Variants in ZNF334 observed in about 807,000 individuals in gnomAD.
The protein encoded by ZNF334 is zinc finger protein 334.
ZNF334 carries 14 observed loss-of-function variants against 12.4 expected under a neutral mutation model. That is an observed-to-expected ratio of 1.13 (90% CI 0.74 to 1.76). The LOEUF is 1.76. ZNF334 is among the 40% of genes most tolerant of loss of function. The pLI, the probability that ZNF334 is intolerant of heterozygous loss-of-function variation, is 0.00. For synonymous variants in ZNF334, 273 were observed against 269.6 expected (o/e 1.01, Z -0.12); for missense variants, 797 against 804.5 (o/e 0.99, Z 0.11).
chr20:46,464,635 A>C, the ZNF334 span: 1 of 425,178 alleles, frequency 2.4e-6, no homozygotes, highest in Admixed American at 2.9e-5. Context: ...CTCTGTGGAG[A>C]TACACACAGT....
chr20:46,502,875 C>T lies in ZNF334; in HGVS notation c.464G>A (p.Ser155Asn), dbSNP rs925086209. ...TNSEVIVAKKSKENRKIPDGY... is the reference protein window; with the variant it reads ...TNSEVIVAKKNKENRKIPDGY... Reference sequence around the variant, plus strand: ...ATCAGGAATCTTTCTGTTTTCTTTGCTTTTCTTTGCAACAATTACTTCTGA... The same window carrying T: ...ATCAGGAATCTTTCTGTTTTCTTTGTTTTTCTTTGCAACAATTACTTCTGA... Residue 155 changes from serine (S) to asparagine (N), a missense_variant, in exon 5 of 5, where the codon AGC becomes AAC. Physicochemically the swap from Ser to Asn is conservative, Grantham distance 46. Transcript: ENST00000692313. The T allele has an allele frequency of 3.1e-6, 5 of 1,613,438 alleles. No homozygotes were observed. The highest frequency in any genetic ancestry group is 1.7e-5 in the Admixed American group (1 of 59,874).
At chr20:46,469,083 CTTTT>C in the ZNF334 span, among the ~76,000 whole-genome samples, 4 of 152,186 alleles carry the variant, frequency 2.6e-5, no homozygotes, top group South Asian at 2.1e-4. Flanking sequence ...TAATATTTTA[CTTTT>C]TTTATCAACA....
intron 2 of ZNF334, among the ~76,000 whole-genome samples, chr20:46,510,507 C>T (rs1488076711): frequency 6.6e-6 from 1 of 152,062 alleles, no homozygotes; most frequent in Non-Finnish European, 1.5e-5. Flanking sequence ...AGGAGGATCA[C>T]GAGGTCAGGA....
the ZNF334 span, among the ~76,000 whole-genome samples, chr20:46,480,241 AC>A: frequency 6.6e-6 from 1 of 152,072 alleles, no homozygotes; most frequent in South Asian, 2.1e-4. Flanking sequence ...TCACATACTC[AC>A]AGGTTCTGGG....
downstream of ZNF334, among the ~76,000 whole-genome samples, chr20:46,498,526 C>T (rs570514633): frequency 1.3e-5 from 2 of 152,304 alleles, no homozygotes; most frequent in Non-Finnish European, 2.9e-5. Flanking sequence ...AACATCTTGA[C>T]AGCAACCTCA....
the ZNF334 span, among the ~76,000 whole-genome samples, chr20:46,473,930 T>C: frequency 3.3e-5 from 5 of 152,240 alleles, no homozygotes; most frequent in African/African-American, 1.2e-4. Flanking sequence ...GACCCCATTA[T>C]GCCAGAATGC....
At chr20:46,470,224 T>C in the ZNF334 span, among the ~76,000 whole-genome samples, 10 of 152,242 alleles carry the variant, frequency 6.6e-5, no homozygotes, top group Admixed American at 5.9e-4. Flanking sequence ...CTAGGTCCCC[T>C]GGCTGGCTGC....
downstream of ZNF334, among the ~76,000 whole-genome samples, chr20:46,499,145 G>T (rs2061074721): frequency 8.4e-6 from 1 of 118,378 alleles, no homozygotes; most frequent in Admixed American, 1.2e-4. Context: ...CTGCACTCCA[G>T]CCTGGGCGAC....
the ZNF334 span, among the ~76,000 whole-genome samples, chr20:46,476,006 A>G: frequency 6.6e-6 from 1 of 152,212 alleles, no homozygotes; most frequent in African/African-American, 2.4e-5. Flanking sequence ...CCAAACAGGA[A>G]GCAGCTCAGA....
chr20:46,492,009 G>A, the ZNF334 span: 2 of 152,570 alleles, frequency 1.3e-5, no homozygotes, highest in Admixed American at 1.3e-4. Context: ...AATCAATGTG[G>A]AAAAGCTTTT....
At chr20:46,465,052 G>T in the ZNF334 span, 2 of 324,810 alleles carry the variant, frequency 6.2e-6, no homozygotes, top group South Asian at 3.1e-5. Context: ...CTGTCAGAGA[G>T]GGAATGCAAG....
the ZNF334 span, among the ~76,000 whole-genome samples, chr20:46,478,357 CA>C: frequency 6.6e-6 from 1 of 152,150 alleles, no homozygotes; most frequent in South Asian, 2.1e-4. Flanking sequence ...GCTTCCAGGT[CA>C]TAAGCAGATT....
chr20:46,466,991 A>G, the ZNF334 span, among the ~76,000 whole-genome samples: 2 of 152,198 alleles, frequency 1.3e-5, no homozygotes, highest in Non-Finnish European at 2.9e-5. Flanking sequence ...GACTAATTCT[A>G]TTTCTATTAA....
chr20:46,466,411 T>C, the ZNF334 span, among the ~76,000 whole-genome samples: 2 of 152,160 alleles, frequency 1.3e-5, no homozygotes, highest in Non-Finnish European at 2.9e-5. Flanking sequence ...AAAAGGGAAA[T>C]GCAAATGAAG....
intron 2 of ZNF334, chr20:46,506,196 T>C (rs2061424352): frequency 7.3e-6 from 3 of 410,500 alleles, no homozygotes; most frequent in East Asian, 7.1e-5. Context: ...ACAGGAGAGA[T>C]ACCACAGTGA....
the ZNF334 span, among the ~76,000 whole-genome samples, chr20:46,482,659 A>G: frequency 4.6e-5 from 7 of 152,336 alleles, no homozygotes; most frequent in East Asian, 5.8e-4. Flanking sequence ...TATCAATAAA[A>G]TATCAATTAA....
chr20:46,502,150 T>C lies in ZNF334; in HGVS notation c.1189A>G (p.Arg397Gly). ...TAGGGTTTTTCCCCTGTGTGAATTC[T>C]CTGATGCGCAGTAAGGGCTGACTGA... ...FCQSALTAHQ[R>G]IHTGEKPYEC... Residue 397 changes from arginine to glycine, a missense_variant, in exon 5 of 5, where the codon AGA (arginine) becomes GGA (glycine). Arg to Gly is a moderately radical substitution (Grantham distance 125, BLOSUM62 -2). Coordinates refer to ENST00000692313, the MANE Select transcript of ZNF334 (RefSeq NM_001353824.2). 4 of 1,614,180 alleles carry C rather than the reference T, an allele frequency of 2.5e-6. No individual in the cohort carries two copies. The highest frequency in any genetic ancestry group is 3.4e-6 in the Non-Finnish European group (4 of 1,180,014).
the ZNF334 span, among the ~76,000 whole-genome samples, chr20:46,483,645 C>T: frequency 2.0e-5 from 3 of 152,280 alleles, no homozygotes; most frequent in African/African-American, 7.2e-5. Flanking sequence ...TGCAGGTCAT[C>T]TTTTTTAGGC....
chr20:46,506,063 CAAAA>C (rs1568869548), intron 2 of ZNF334: 4 of 311,692 alleles, frequency 1.3e-5, no homozygotes, highest in Non-Finnish European at 2.3e-5. Flanking sequence ...GAAAACAAAA[CAAAA>C]AAGAGAATCG....
Sources: gnomAD v4.1 joint callset for allele counts (sites outside exome capture counted in the v4.1 genomes callset) on GRCh38, gnomAD v4.1.1 for gene constraint, MANE v1.5 for transcripts, NCBI Gene and HGNC (gene_info 2026-07-23, HGNC 2026-07-21) for gene names.